Variants in ADGRL2 observed in about 807,000 individuals in gnomAD.
The protein encoded by ADGRL2 is adhesion G protein-coupled receptor L2.
Under a neutral mutation model 157.4 loss-of-function variants are expected in ADGRL2, and 44 were observed. That is an observed-to-expected ratio of 0.28 (90% CI 0.22 to 0.36). ADGRL2 has a LOEUF of 0.36. ADGRL2 is among the 10% of genes least tolerant of loss of function. ADGRL2 has a pLI of 1.00. For synonymous variants in ADGRL2, 585 were observed against 624.7 expected (o/e 0.94, Z 0.95); for missense variants, 1,510 against 1,768.9 (o/e 0.85, Z 2.63).
intron 23 of ADGRL2, among the ~76,000 whole-genome samples, chr1:81,989,072 A>G (rs1202211994): frequency 6.8e-6 from 1 of 147,532 alleles, no homozygotes; most frequent in East Asian, 2.0e-4. Flanking sequence ...TTTTTTTTTC[A>G]TTTGCTTGAG....
intron 3 of ADGRL2, among the ~76,000 whole-genome samples, chr1:81,688,374 C>A (rs2083271832): frequency 6.6e-6 from 1 of 151,924 alleles, no homozygotes; most frequent in Non-Finnish European, 1.5e-5. Context: ...TTTTCTTATT[C>A]TTTTTTCTTT....
intron 2 of ADGRL2, among the ~76,000 whole-genome samples, chr1:81,840,244 A>G (rs148156819): frequency 3.3e-5 from 5 of 152,212 alleles, no homozygotes; most frequent in Non-Finnish European, 7.4e-5. Flanking sequence ...GTAGAAATCA[A>G]ACATTAGGAT....
chr1:81,923,252 C>G (rs1391263485), intron 3 of ADGRL2, among the ~76,000 whole-genome samples: 1 of 152,244 alleles, frequency 6.6e-6, no homozygotes, highest in Non-Finnish European at 1.5e-5. Context: ...CATGAGACTC[C>G]TGCAGTGGTA....
chr1:81,889,476 C>T (rs1340086726), intron 2 of ADGRL2, among the ~76,000 whole-genome samples: 1 of 152,140 alleles, frequency 6.6e-6, no homozygotes, highest in African/African-American at 2.4e-5. Context: ...ATTCTATGAA[C>T]GCTGAGAGGT....
At chr1:81,666,492 T>A (rs2082752855) in intron 3 of ADGRL2, among the ~76,000 whole-genome samples, 1 of 152,200 alleles carries the variant, frequency 6.6e-6, no homozygotes, top group Admixed American at 6.5e-5. Context: ...TTGATTTCAT[T>A]TCTTCTCCTC....
At chr1:81,427,243 T>A (rs1450472752) in intron 1 of ADGRL2, 2 of 761,226 alleles carry the variant, frequency 2.6e-6, no homozygotes, top group African/African-American at 1.7e-5. Context: ...GTGGAGGTGG[T>A]GGCAGCGGAA....
intron 2 of ADGRL2, chr1:81,501,799 G>GCAGCAA: frequency 1.9e-6 from 3 of 1,605,752 alleles, no homozygotes; most frequent in Middle Eastern, 1.7e-4. Context: ...AGCAGCAGCA[G>GCAGCAA]CAGCAGCAGC....
chr1:81,504,266 TC>T (rs1360231626), intron 2 of ADGRL2, among the ~76,000 whole-genome samples: 2 of 151,974 alleles, frequency 1.3e-5, no homozygotes, highest in Non-Finnish European at 2.9e-5. Flanking sequence ...ACTCATCCTT[TC>T]CCCAGCCCTC....
At chr1:81,403,242 GTTGTTTGT>G (rs71980349) in intron 1 of ADGRL2, among the ~76,000 whole-genome samples, 18,802 of 121,828 alleles carry the variant, frequency 0.15, 1,346 homozygotes, top group Middle Eastern at 0.23. Flanking sequence ...TTTTTTTGTT[GTTGTTTGT>G]TTGTTTGTTT....
chr1:81,357,728 G>A (rs1237005529), intron 1 of ADGRL2, among the ~76,000 whole-genome samples: 1 of 152,104 alleles, frequency 6.6e-6, no homozygotes, highest in Non-Finnish European at 1.5e-5. Context: ...GTAGAAGGTA[G>A]GAAGTTAATA....
At chr1:81,500,609 A>G (rs2078825478) in intron 2 of ADGRL2, among the ~76,000 whole-genome samples, 2 of 152,210 alleles carry the variant, frequency 1.3e-5, no homozygotes, top group African/African-American at 4.8e-5. Flanking sequence ...TCAAATTCAT[A>G]AAGAAGAAAA....
chr1:81,888,899 G>C (rs1212141077), intron 2 of ADGRL2, among the ~76,000 whole-genome samples: 2 of 151,950 alleles, frequency 1.3e-5, no homozygotes, highest in African/African-American at 4.8e-5. Flanking sequence ...TATTATATCT[G>C]TTATGGTGAT....
chr1:81,338,275 A>G (rs1384085222), intron 1 of ADGRL2, among the ~76,000 whole-genome samples: 1 of 152,164 alleles, frequency 6.6e-6, no homozygotes, highest in Non-Finnish European at 1.5e-5. Context: ...AGGCCCAAGA[A>G]TCTCTTAAAC....
intron 2 of ADGRL2, among the ~76,000 whole-genome samples, chr1:81,538,778 G>T (rs2079807944): frequency 6.6e-6 from 1 of 152,086 alleles, no homozygotes; most frequent in Non-Finnish European, 1.5e-5. Context: ...GCCAAGGCGG[G>T]CAGATTGCTT....
At chr1:81,881,297 T>A (rs1303519655) in intron 2 of ADGRL2, among the ~76,000 whole-genome samples, 1 of 152,138 alleles carries the variant, frequency 6.6e-6, no homozygotes, top group African/African-American at 2.4e-5. Context: ...TGCCTCAGCC[T>A]CCCGAGTAGC....
At chr1:81,909,015 C>T (rs1344363771) in intron 3 of ADGRL2, among the ~76,000 whole-genome samples, 1 of 151,860 alleles carries the variant, frequency 6.6e-6, no homozygotes, top group Non-Finnish European at 1.5e-5. Flanking sequence ...GCTGGGATTA[C>T]AGGTGCAAGC....
At chr1:81,766,569 G>C (rs1383295040) in intron 2 of ADGRL2, among the ~76,000 whole-genome samples, 2 of 151,988 alleles carry the variant, frequency 1.3e-5, no homozygotes, top group African/African-American at 4.8e-5. Context: ...GGTTGCTCAT[G>C]CCTGTAATCC....
chr1:81,896,367 C>T (rs145387268), intron 2 of ADGRL2, among the ~76,000 whole-genome samples: 3 of 152,084 alleles, frequency 2.0e-5, no homozygotes, highest in African/African-American at 7.2e-5. Flanking sequence ...GGGAGGGGGA[C>T]GGAGACTCTG....
At chr1:81,782,442 C>A (rs11163373) in intron 2 of ADGRL2, among the ~76,000 whole-genome samples, 2,129 of 152,232 alleles carry the variant, frequency 0.014, 51 homozygotes, top group African/African-American at 0.049. Flanking sequence ...AATGGATATA[C>A]TTTAAAAAAT....
Sources: allele counts gnomAD v4.1 joint callset (sites outside exome capture counted in the v4.1 genomes callset), GRCh38; gene constraint gnomAD v4.1.1; transcripts MANE v1.5; gene names NCBI Gene and HGNC (gene_info 2026-07-23, HGNC 2026-07-21).